Variants in ADGRV1 observed in about 807,000 individuals in gnomAD.
ADGRV1 encodes G-protein coupled receptor 98.
A neutral mutation model predicts 596.2 loss-of-function variants in ADGRV1; 359 were observed. The ratio of observed to expected loss-of-function variants is 0.60; its 90% CI spans 0.55 to 0.66. The LOEUF is 0.66. Ranked by LOEUF, ADGRV1 falls within the 30% of genes least tolerant of loss-of-function variation. The probability of loss-of-function intolerance (pLI) is 0.00; values close to 1 mark genes in which losing one functional copy is unlikely to be tolerated. For synonymous variants in ADGRV1, 2,681 were observed against 2,679.2 expected (o/e 1.00, Z -0.02); for missense variants, 7,274 against 7,575.6 (o/e 0.96, Z 1.48).
chr5:91,015,335 G>A (rs567859971), intron 85 of ADGRV1, among the ~76,000 whole-genome samples: 61 of 152,178 alleles, frequency 4.0e-4, no homozygotes, highest in South Asian at 3.1e-3. Flanking sequence ...GCCATGTGGC[G>A]ATGAGAAGAA....
rs2149401455 is a variant in ADGRV1 at position 90,635,144 on chromosome 5, C to T, written c.1870C>T (p.Pro624Ser). ...AACTGTGGAGTTGTTAAACATAATT[C>T]CTCTAATCCCACCCATAAGCCCTAG... Reference protein sequence around the residue: ...LETVELLNIIPLIPPISPRFG... With the variant: ...LETVELLNIISLIPPISPRFG... Residue 624 changes from proline to serine, a missense_variant, in exon 10 of 90, where the codon CCT becomes TCT. Physicochemically the swap from Pro to Ser is moderately conservative, Grantham distance 74. Around this residue, in one of 5 missense-constraint regions of ADGRV1, gnomAD observed 1,715 missense variants for 1,708.8 expected, o/e 1.00. Transcript: ENST00000405460. 6.2e-7 allele frequency: 1 copy of T among 1,604,068 alleles called. No homozygotes were observed. Among genetic ancestry groups the T allele is most frequent in the Non-Finnish European group, 8.5e-7 (1 of 1,171,228 alleles).
chr5:90,789,261 C>A (rs555716909), intron 68 of ADGRV1, among the ~76,000 whole-genome samples: 1 of 152,072 alleles, frequency 6.6e-6, no homozygotes, highest in Non-Finnish European at 1.5e-5. Flanking sequence ...TCTAGATGAG[C>A]GTTTGACCAA....
chr5:90,766,100 A>G lies in ADGRV1; in HGVS notation c.12285+2631A>G, dbSNP rs376777727. 6.5e-3 allele frequency among the ~76,000 whole-genome samples: 992 copies of G among 152,028 alleles called. 15 individuals are homozygous for G. Among genetic ancestry groups the G allele is most frequent in the East Asian group, 0.012 (62 of 5,146 alleles). On this transcript the variant is annotated intron_variant, in intron 59 of 89. Coordinates refer to ENST00000405460, the MANE Select transcript of ADGRV1 (RefSeq NM_032119.4). Reference sequence around the variant, plus strand: ...AATTTTTTGTATTTTTTAGTGAGACAGGGTTTCACTGTGTTAGCCAGGATG... The same window carrying G: ...AATTTTTTGTATTTTTTAGTGAGACGGGGTTTCACTGTGTTAGCCAGGATG...
intron 38 of ADGRV1, 102 bp downstream of exon 38, chr5:90,706,496 G>A: frequency 1.0e-6 from 1 of 995,404 alleles, no homozygotes; most frequent in East Asian, 2.6e-5. Flanking sequence ...GTGCAGGTTT[G>A]TTACATATAT....
At chr5:90,813,043 G>A (rs2150238748) in intron 74 of ADGRV1, among the ~76,000 whole-genome samples, 1 of 145,458 alleles carries the variant, frequency 6.9e-6, no homozygotes, top group African/African-American at 2.6e-5. Context: ...TGAGGCAGGA[G>A]AATGGCGTGA....
chr5:91,162,353 T>G (rs1054742056), intron 89 of ADGRV1, among the ~76,000 whole-genome samples: 2 of 151,550 alleles, frequency 1.3e-5, no homozygotes, highest in African/African-American at 2.4e-5. Context: ...GTAGGAAGAG[T>G]GGAGGCAGCC....
chr5:90,667,859 G>T (rs866938980), intron 21 of ADGRV1, among the ~76,000 whole-genome samples: 1 of 151,800 alleles, frequency 6.6e-6, no homozygotes, highest in East Asian at 1.9e-4. Context: ...GGCTGTTGGA[G>T]TACCCTGCCG....
At chr5:90,915,393 G>A (rs1773256836) in intron 83 of ADGRV1, among the ~76,000 whole-genome samples, 1 of 152,162 alleles carries the variant, frequency 6.6e-6, no homozygotes, top group African/African-American at 2.4e-5. Context: ...AGAATTCAGT[G>A]GCTGTTTAAT....
intron 83 of ADGRV1, among the ~76,000 whole-genome samples, chr5:90,913,793 A>G (rs1773110595): frequency 1.3e-5 from 2 of 152,192 alleles, no homozygotes; most frequent in Admixed American, 1.3e-4. Context: ...GGGAAAACCA[A>G]GCCAACCAAA....
chr5:90,694,588 A>G lies in ADGRV1; in HGVS notation c.7832A>G (p.His2611Arg), dbSNP rs758385272. ...QPQTLVELMI[H>R]RTGGSLGQVA... Reference sequence around the variant, plus strand: ...CAAACCTTGGTGGAGCTGATGATACACAGGACAGGGGGCAGCTTAGGTCAA... The same window carrying G: ...CAAACCTTGGTGGAGCTGATGATACGCAGGACAGGGGGCAGCTTAGGTCAA... The change falls in exon 33 of 90, where the codon CAC becomes CGC. Residue 2611 changes from histidine to arginine, a missense_variant. Coordinates refer to ENST00000405460, the MANE Select transcript of ADGRV1 (RefSeq NM_032119.4). 1.2e-6 allele frequency: 2 copies of G among 1,613,898 alleles called. No homozygotes were observed. Among genetic ancestry groups the G allele is most frequent in the Non-Finnish European group, 1.7e-6 (2 of 1,179,826 alleles).
At chr5:90,647,900 G>A (rs897719260) in intron 17 of ADGRV1, 136 bp downstream of exon 17, 1 of 722,154 alleles carries the variant, frequency 1.4e-6, no homozygotes, top group Non-Finnish European at 2.2e-6. Context: ...TTATTTCATT[G>A]CTTTCTTGAG....
At chr5:91,071,378 C>T (rs1240596613) in intron 85 of ADGRV1, among the ~76,000 whole-genome samples, 1 of 152,044 alleles carries the variant, frequency 6.6e-6, no homozygotes, top group Non-Finnish European at 1.5e-5. Flanking sequence ...AGAAAGGAAC[C>T]TGGTACTCTC....
chr5:90,623,123 A>T (rs1340957105), intron 5 of ADGRV1, among the ~76,000 whole-genome samples: 2 of 152,244 alleles, frequency 1.3e-5, no homozygotes, highest in African/African-American at 4.8e-5. Flanking sequence ...TATAATAAAC[A>T]TGACACAATA....
intron 87 of ADGRV1, among the ~76,000 whole-genome samples, chr5:91,131,101 G>A (rs1794178321): frequency 6.6e-6 from 1 of 152,220 alleles, no homozygotes; most frequent in African/African-American, 2.4e-5. Context: ...TGTCTTTTTG[G>A]TAGAACAATT....
chr5:90,811,068 G>T lies in ADGRV1; in HGVS notation c.15808G>T (p.Glu5270Ter). ...KTFGERCAQM[E>*]PNALPFRGIY... ...TTTCGGTGAAAGATGTGCTCAGATG[G>T]AACCAAATGCATTGCCCTTTCGTGG... Residue 5270 changes from glutamate to a stop codon, truncating the protein, a stop_gained, in exon 74 of 90, where the codon GAA becomes TAA. Transcript: ENST00000405460. LOFTEE classifies it high-confidence loss of function. 6.2e-7 allele frequency: 1 copy of T among 1,613,982 alleles called. No homozygotes were observed. The highest frequency in any genetic ancestry group is 8.5e-7 in the Non-Finnish European group (1 of 1,179,860).
At chr5:90,712,497 T>A in intron 42 of ADGRV1, 69 bp downstream of exon 42, 1 of 1,151,950 alleles carries the variant, frequency 8.7e-7, no homozygotes, top group Non-Finnish European at 1.2e-6. Context: ...GGGGAAGATG[T>A]AAAGGAATGA....
At chr5:91,124,781 T>C (rs972977809) in intron 87 of ADGRV1, among the ~76,000 whole-genome samples, 4 of 152,244 alleles carry the variant, frequency 2.6e-5, no homozygotes, top group African/African-American at 9.6e-5. Context: ...TTTATTTAGT[T>C]CAGAGAAATT....
chr5:90,831,280 T>TACACACAC (rs539222542), intron 77 of ADGRV1, among the ~76,000 whole-genome samples: 1 of 149,542 alleles, frequency 6.7e-6, no homozygotes, highest in African/African-American at 2.5e-5. Context: ...TACATATATA[T>TACACACAC]ACACACACAC....
chr5:90,897,706 T>C, intron 83 of ADGRV1, among the ~76,000 whole-genome samples: 1 of 152,194 alleles, frequency 6.6e-6, no homozygotes, highest in Non-Finnish European at 1.5e-5. Context: ...ATCTTCCTTT[T>C]TGAGGGCTAT....
Sources: gnomAD v4.1 joint callset for allele counts (sites outside exome capture counted in the v4.1 genomes callset) on GRCh38, gnomAD v4.1.1 for gene constraint, gnomAD v4.1.1 regional missense constraint, MANE v1.5 for transcripts, NCBI Gene and HGNC (gene_info 2026-07-23, HGNC 2026-07-21) for gene names.